NPY5R: variants seen among roughly 807,000 people sequenced by gnomAD.
NPY5R encodes neuropeptide Y receptor type 5.
NPY5R carries 21 observed loss-of-function variants against 24.8 expected under a neutral mutation model. The observed-to-expected ratio is 0.85, with a 90% CI of 0.60 to 1.22. The LOEUF is 1.22. Among genes scored for constraint, NPY5R ranks in the 50% most tolerant of loss-of-function variants. NPY5R has a pLI of 0.00. For synonymous variants in NPY5R, 175 were observed against 183.0 expected (o/e 0.96, Z 0.35); for missense variants, 481 against 521.3 (o/e 0.92, Z 0.75).
In NPY5R at chr4:163,350,493, ACTACGG is replaced by A; in HGVS notation, c.221_226del (p.Thr74_Val76delinsIle). ...TCTCATGAAAAAGCGTAATCAGAAG[ACTACGG>A]TAAACTTCCTCATAGGCAATCTGGC... On this transcript the variant is annotated inframe_deletion, in exon 4 of 4. Transcript: ENST00000338566. 6.2e-7 allele frequency: 1 copy of A among 1,614,194 alleles called. No individual in the cohort carries two copies. Among genetic ancestry groups the A allele is most frequent in the African/African-American group, 1.3e-5 (1 of 75,052 alleles).
chr4:163,344,241 C>CTCCTGACA (rs1403156662), intron 1 of NPY5R: 1 of 152,466 alleles, frequency 6.6e-6, no homozygotes, highest in Non-Finnish European at 1.5e-5. Flanking sequence ...AGTGAAGAGA[C>CTCCTGACA]AGCGGAGAGG....
chr4:163,351,125 A>C lies in NPY5R; in HGVS notation c.852A>C (p.Lys284Asn). The change falls in exon 4 of 4, where the codon AAA becomes AAC. Residue 284 changes from lysine to asparagine, a missense_variant. Coordinates refer to ENST00000338566, the MANE Select transcript of NPY5R (RefSeq NM_006174.4). ...AATGGAGTTATTCATTCATCAAAAA[A>C]CACAGAAGAAGATATAGCAAGAAGA... is the stretch of plus-strand genomic sequence containing the variant. ...SHKWSYSFIKKHRRRYSKKTA... is the reference protein window; with the variant it reads ...SHKWSYSFIKNHRRRYSKKTA... 2 of 1,614,168 alleles carry C rather than the reference A, an allele frequency of 1.2e-6. No homozygotes were observed.
At chr4:163,352,325 C>T (rs1735524585), downstream of NPY5R, among the ~76,000 whole-genome samples, 1 of 152,140 alleles carries the variant, frequency 6.6e-6, no homozygotes, top group African/African-American at 2.4e-5. Context: ...AAGTTGTTTT[C>T]ATATACATCT....
chr4:163,350,132 A>G (rs797014853), intron 3 of NPY5R, 133 bp from the exon 4 acceptor site: 1 of 487,116 alleles, frequency 2.1e-6, no homozygotes, highest in East Asian at 3.3e-5. Flanking sequence ...AAAAGATATC[A>G]TAAACTTCCT....
intron 2 of NPY5R, among the ~76,000 whole-genome samples, chr4:163,347,194 A>G (rs1180448612): frequency 1.3e-5 from 2 of 152,196 alleles, no homozygotes; most frequent in Non-Finnish European, 2.9e-5. Context: ...TCATTTCTAG[A>G]ATGAAAATAA....
intron 3 of NPY5R, among the ~76,000 whole-genome samples, chr4:163,349,845 G>A (rs763548361): frequency 2.0e-5 from 3 of 152,140 alleles, no homozygotes; most frequent in Admixed American, 1.3e-4. Context: ...GGCTGGGCAC[G>A]GTGGCTCACG....
At chr4:163,348,082 G>T (rs7679206) in intron 3 of NPY5R, among the ~76,000 whole-genome samples, 45,438 of 151,948 alleles carry the variant, frequency 0.3, 7,179 homozygotes, top group East Asian at 0.44. Flanking sequence ...TTTATTGAAC[G>T]AAGACCTGCA....
At chr4:163,346,624 C>T (rs1241769522) in intron 2 of NPY5R, among the ~76,000 whole-genome samples, 2 of 152,134 alleles carry the variant, frequency 1.3e-5, no homozygotes, top group East Asian at 1.9e-4. Context: ...GAAGCATCCT[C>T]AGTTTTTTCT....
At chr4:163,344,647 C>A (rs1001010596) in intron 1 of NPY5R, 7 of 152,228 alleles carry the variant, frequency 4.6e-5, no homozygotes, top group Admixed American at 4.6e-4. Context: ...CAAATGCGAG[C>A]AATAACAAAC....
rs1289212872 is a variant in NPY5R, at chr4:163,351,731, A to T, written c.*120A>T. 4 of 643,544 alleles carry T rather than the reference A, an allele frequency of 6.2e-6. No homozygotes were observed. The highest frequency in any genetic ancestry group is 1.0e-5 in the Non-Finnish European group (4 of 400,258). The allele number at this position is 643,544 out of a possible 1,614,324, so 39.9% of individuals were successfully genotyped here. A position where few individuals can be genotyped will look rare whatever the true frequency, so the allele number is the denominator to read the frequency against. On this transcript the variant is annotated 3_prime_UTR_variant, in exon 4 of 4. Transcript: ENST00000338566. ...TAACATGGAATTTAATTTATGTGAA[A>T]GAGTTCTGGATTCAAATGTCAGTTC...
chr4:163,350,642 G>T lies in NPY5R; in HGVS notation c.369G>T (p.Val123=), dbSNP rs1206514939. Residue 123 remains valine, a synonymous_variant, in exon 4 of 4, where the codon GTG becomes GTT. Transcript: ENST00000338566. ...MCHIMPFLQC[V]SVLVSTLILI... ...ATATTATGCCTTTTCTTCAATGTGTGTCAGTTTTGGTTTCAACTTTAATTT... is the reference window on the plus strand; with the variant it reads ...ATATTATGCCTTTTCTTCAATGTGTTTCAGTTTTGGTTTCAACTTTAATTT... The T allele has an allele frequency of 6.2e-7, 1 of 1,614,074 alleles. No individual in the cohort carries two copies. Among genetic ancestry groups the T allele is most frequent in the Non-Finnish European group, 8.5e-7 (1 of 1,180,016 alleles).
chr4:163,350,410 G>T lies in NPY5R; in HGVS notation c.137G>T (p.Gly46Val), dbSNP rs1735439834. The T allele has an allele frequency of 2.5e-6, 4 of 1,611,864 alleles. 1 individual carries two copies. In the East Asian group the frequency reaches 6.7e-5, roughly 27 times the overall value. ...SVDDLQYFLIGLYTFVSLLGF... is the reference protein window; with the variant it reads ...SVDDLQYFLIVLYTFVSLLGF... ...GATGACTTACAGTATTTTCTGATTGGGCTCTATACATTTGTAAGTCTTCTT... is the reference window on the plus strand; with the variant it reads ...GATGACTTACAGTATTTTCTGATTGTGCTCTATACATTTGTAAGTCTTCTT... The change falls in exon 4 of 4, where the codon GGG becomes GTG. Residue 46 changes from glycine to valine, a missense_variant. Coordinates refer to ENST00000338566, the MANE Select transcript of NPY5R (RefSeq NM_006174.4).
In NPY5R at chr4:163,345,722, A is replaced by G. The variant is rs1654118029; in HGVS notation, c.-112A>G. The G allele has an allele frequency of 6.6e-6, 1 of 152,154 alleles. No individual in the cohort carries two copies. The highest frequency in any genetic ancestry group is 2.1e-4 in the South Asian group (1 of 4,832). 9.4% of individuals were successfully genotyped at this position (152,154 alleles called of 1,614,324 possible). ...TTGGATTTCCATTGTAGGTCTGCTC[A>G]TTGTGTTTTTCAGGAAAAAGGAAGG... On this transcript the variant is annotated 5_prime_UTR_variant, in exon 2 of 4. Coordinates refer to ENST00000338566, the MANE Select transcript of NPY5R (RefSeq NM_006174.4).
At chr4:163,349,923 T>G (rs1051471813) in intron 3 of NPY5R, among the ~76,000 whole-genome samples, 2 of 151,846 alleles carry the variant, frequency 1.3e-5, no homozygotes, top group Non-Finnish European at 2.9e-5. Context: ...GAGACCACGG[T>G]GAAACCCGGT....
chr4:163,351,333 C>T lies in NPY5R; in HGVS notation c.1060C>T (p.Arg354Cys), dbSNP rs374003048. The T allele has an allele frequency of 1.2e-5, 19 of 1,613,514 alleles. No individual in the cohort carries two copies. Among genetic ancestry groups the T allele is most frequent in the Middle Eastern group, 1.6e-4 (1 of 6,062 alleles). The change falls in exon 4 of 4, where the codon CGT becomes TGT. Residue 354 changes from arginine to cysteine, a missense_variant. Arg to Cys is a radical substitution (Grantham distance 180). Coordinates refer to ENST00000338566, the MANE Select transcript of NPY5R (RefSeq NM_006174.4). ...AGATGTTCATGAATTGAGAGTAAAA[C>T]GTTCTGTTACAAGAATAAAAAAGAG... ...NSDVHELRVKRSVTRIKKRSR... is the reference protein window; with the variant it reads ...NSDVHELRVKCSVTRIKKRSR...
intron 3 of NPY5R, among the ~76,000 whole-genome samples, chr4:163,348,460 C>T (rs1236086055): frequency 6.6e-6 from 1 of 151,816 alleles, no homozygotes; most frequent in Admixed American, 6.6e-5. Flanking sequence ...CAGGCCCCAT[C>T]TCCACAAAAA....
intron 2 of NPY5R, among the ~76,000 whole-genome samples, 184 bp from the exon 3 acceptor site, chr4:163,347,268 C>G (rs1409527548): frequency 6.6e-6 from 1 of 152,134 alleles, no homozygotes; most frequent in African/African-American, 2.4e-5. Flanking sequence ...GGAGAAAAAT[C>G]TGAATTTTAG....
Position 163,350,613 on chromosome 4 carries a change from T to G in NPY5R, c.340T>G (p.Cys114Gly). The stretch of plus-strand genomic sequence containing the variant: ...TCAGTGGATGTTTGGCAAAGTCATG[T>G]GCCATATTATGCCTTTTCTTCAATG... ...LDQWMFGKVM[C>G]HIMPFLQCVS... The change falls in exon 4 of 4, where the codon TGC becomes GGC. Residue 114 changes from cysteine to glycine, a missense_variant. Physicochemically the swap from Cys to Gly is radical, Grantham distance 159 (BLOSUM62 -3). Coordinates refer to ENST00000338566, the MANE Select transcript of NPY5R (RefSeq NM_006174.4). The G allele has an allele frequency of 6.2e-7, 1 of 1,614,238 alleles. No homozygotes were observed. Among genetic ancestry groups the G allele is most frequent in the Non-Finnish European group, 8.5e-7 (1 of 1,180,038 alleles).
rs1181715039 is a variant in NPY5R at position 163,351,728 on chromosome 4, GAA to G, written c.*119_*120del. 1.5e-6 allele frequency: 1 copy of G among 664,154 alleles called. No individual in the cohort carries two copies. The highest frequency in any genetic ancestry group is 2.4e-6 in the Non-Finnish European group (1 of 419,538). 41.1% of individuals were successfully genotyped at this position (664,154 alleles called of 1,614,324 possible). On this transcript the variant is annotated 3_prime_UTR_variant, in exon 4 of 4. Transcript: ENST00000338566. ...TGTTAACATGGAATTTAATTTATGT[GAA>G]AGAGTTCTGGATTCAAATGTCAGTT... is the stretch of plus-strand genomic sequence containing the variant.
Sources: gnomAD v4.1 joint callset for allele counts (sites outside exome capture counted in the v4.1 genomes callset) on GRCh38, gnomAD v4.1.1 for gene constraint, MANE v1.5 for transcripts, NCBI Gene and HGNC (gene_info 2026-07-23, HGNC 2026-07-21) for gene names.